Variants in CASP5 observed in about 807,000 individuals in gnomAD.
CASP5 encodes caspase 5, also known as caspase-5.
A neutral mutation model predicts 45.2 loss-of-function variants in CASP5; 42 were observed. That is an observed-to-expected ratio of 0.93 (90% CI 0.73 to 1.20). CASP5 has a LOEUF of 1.20. Among genes scored for constraint, CASP5 ranks in the 50% most tolerant of loss-of-function variants. The pLI is 0.00. For synonymous variants in CASP5, 209 were observed against 186.2 expected (o/e 1.12, Z -1.00); for missense variants, 512 against 532.2 (o/e 0.96, Z 0.37).
At position 105,007,078 on chromosome 11, in the gene CASP5, C is replaced by A; in HGVS notation, c.433+5G>T. 1 of 1,608,842 alleles carries A rather than the reference C, an allele frequency of 6.2e-7. No homozygotes were observed. On this transcript the variant is annotated splice_donor_5th_base_variant and intron_variant, in intron 3 of 9. Coordinates refer to ENST00000260315, the MANE Select transcript of CASP5 (RefSeq NM_004347.5). ...ACATATTTATCGTGTTAGATGCAAC[C>A]TTACGTTTTACACTGGTGATCTTTT...
chr11:105,020,392 G>T (rs1591181511), intron 1 of CASP5, among the ~76,000 whole-genome samples: 1 of 151,250 alleles, frequency 6.6e-6, no homozygotes, highest in Non-Finnish European at 1.5e-5. Flanking sequence ...CGACATGATT[G>T]TATATCTAGA....
At chr11:105,002,940 G>A (rs1241306044) in intron 4 of CASP5, among the ~76,000 whole-genome samples, 3 of 152,116 alleles carry the variant, frequency 2.0e-5, no homozygotes, top group Non-Finnish European at 4.4e-5. Flanking sequence ...GTTCCCGCCT[G>A]TAATCCCAGT....
intron 4 of CASP5, 68 bp downstream of exon 4, chr11:105,003,206 T>G: frequency 1.0e-6 from 1 of 980,588 alleles, no homozygotes; most frequent in Non-Finnish European, 1.6e-6. Context: ...TTTTTAAAAA[T>G]GTGCATTGCA....
At chr11:105,009,720 C>T (rs11226576) in intron 1 of CASP5, among the ~76,000 whole-genome samples, 1,687 of 63,926 alleles carry the variant, frequency 0.026, 53 homozygotes, top group African/African-American at 0.056. Context: ...TATATACACA[C>T]ATATATATAT....
intron 3 of CASP5, among the ~76,000 whole-genome samples, chr11:105,005,354 ATATGTG>A (rs780445124): frequency 9.2e-4 from 105 of 114,008 alleles, no homozygotes; most frequent in African/African-American, 4.6e-3. Flanking sequence ...GTGTATATAT[ATATGTG>A]TGTGTGTGTG....
intron 5 of CASP5, among the ~76,000 whole-genome samples, chr11:105,001,301 C>A (rs534800183): frequency 6.6e-6 from 1 of 152,320 alleles, no homozygotes; most frequent in South Asian, 2.1e-4. Flanking sequence ...CTTCTGGTAT[C>A]ATTTACAGAC....
chr11:105,008,081 AT>A (rs1862096923), intron 2 of CASP5, among the ~76,000 whole-genome samples: 1 of 152,048 alleles, frequency 6.6e-6, no homozygotes, highest in Non-Finnish European at 1.5e-5. Flanking sequence ...AAAGTGATAA[AT>A]TTTTTTGCCT....
chr11:105,000,468 C>A lies in CASP5; in HGVS notation c.745G>T (p.Ala249Ser). The A allele has an allele frequency of 6.2e-7, 1 of 1,614,162 alleles. No homozygotes were observed. The highest frequency in any genetic ancestry group is 1.1e-5 in the South Asian group (1 of 91,084). ...RDMESVLRAF[A>S]ARPEHKSSDS... is the part of the protein sequence containing the mutation. ...GAGGACTTGTGCTCTGGTCTGGCAG[C>A]AAATGCCCTCAGCACTGACTCCATA... The change falls in exon 6 of 10, where the codon GCT becomes TCT. Residue 249 changes from alanine (A) to serine (S), a missense_variant. Coordinates refer to ENST00000260315, the MANE Select transcript of CASP5 (RefSeq NM_004347.5).
intron 3 of CASP5, among the ~76,000 whole-genome samples, chr11:105,004,534 T>C (rs3181175): frequency 0.28 from 41,982 of 152,066 alleles, 7,918 homozygotes; most frequent in African/African-American, 0.54. Flanking sequence ...AATGGACAAG[T>C]ATACTTTTAT....
At chr11:105,018,271 A>T (rs1862743096) in intron 1 of CASP5, among the ~76,000 whole-genome samples, 1 of 151,344 alleles carries the variant, frequency 6.6e-6, no homozygotes, top group South Asian at 2.1e-4. Context: ...TAACCAGCTA[A>T]CATCATAATG....
At chr11:105,007,359 T>A in intron 2 of CASP5, 25 bp from the exon 3 acceptor site, 1 of 1,582,318 alleles carries the variant, frequency 6.3e-7, no homozygotes, top group South Asian at 1.2e-5. Context: ...AAGACTCCTT[T>A]AACTATGGGC....
chr11:105,001,948 G>A, intron 5 of CASP5, 80 bp downstream of exon 5: 4 of 1,443,012 alleles, frequency 2.8e-6, no homozygotes, highest in Non-Finnish European at 3.8e-6. Context: ...AAACCTTGTT[G>A]AACTTCTATA....
At chr11:104,998,058 GAGT>G (rs1179602047) in intron 7 of CASP5, among the ~76,000 whole-genome samples, 1 of 152,122 alleles carries the variant, frequency 6.6e-6, no homozygotes, top group East Asian at 1.9e-4. Context: ...AATTTGCAGA[GAGT>G]AGATCTTATG....
intron 7 of CASP5, among the ~76,000 whole-genome samples, chr11:104,998,264 G>A (rs1861555141): frequency 6.6e-6 from 1 of 152,084 alleles, no homozygotes; most frequent in Non-Finnish European, 1.5e-5. Flanking sequence ...CCTCCATAAA[G>A]TGGTTTAAAA....
At chr11:104,995,319 C>T (rs537093) in intron 9 of CASP5, 61,413 of 153,678 alleles carry the variant, frequency 0.4, 13,246 homozygotes, top group East Asian at 0.75. Context: ...CTGCTTTCCC[C>T]ATAGATAGCT....
chr11:105,015,273 A>C (rs1480579557), intron 1 of CASP5, among the ~76,000 whole-genome samples: 2 of 152,250 alleles, frequency 1.3e-5, no homozygotes, highest in Non-Finnish European at 2.9e-5. Flanking sequence ...TGGCAATAAT[A>C]GCACAAACTT....
At chr11:105,009,758 T>TATATATATATATATATACAC (rs1555079440) in intron 1 of CASP5, among the ~76,000 whole-genome samples, 7 of 90,276 alleles carry the variant, frequency 7.8e-5, no homozygotes, top group East Asian at 6.2e-4. Flanking sequence ...TATATATATA[T>TATATATATATATATATACAC]ACACACACAC....
chr11:105,022,176 G>A lies in CASP5; in HGVS notation c.7+954C>T. On this transcript the variant is annotated intron_variant, in intron 1 of 9. Transcript: ENST00000260315. ...AGCCTGTTGTGGGGTGGGGGGAGGGGGGAGGGATAGCATTGGGAGGTATAC... is the reference window on the plus strand; with the variant it reads ...AGCCTGTTGTGGGGTGGGGGGAGGGAGGAGGGATAGCATTGGGAGGTATAC... 1.8e-5 allele frequency among the ~76,000 whole-genome samples: 2 copies of A among 110,066 alleles called. 1 individual carries two copies. Among genetic ancestry groups the A allele is most frequent in the Non-Finnish European group, 3.5e-5 (2 of 56,726 alleles). 72.2% of individuals were successfully genotyped at this position (110,066 alleles called of 152,430 possible).
rs943698285 is a variant in CASP5 at position 105,017,771 on chromosome 11, G to T, written c.7+5359C>A. ...AGGAGAACTTCCCCAATATAGCAAGGCAGGCCAACATTCAGATTCAGGAAA... is the reference window on the plus strand; with the variant it reads ...AGGAGAACTTCCCCAATATAGCAAGTCAGGCCAACATTCAGATTCAGGAAA... On this transcript the variant is annotated intron_variant, in intron 1 of 9. Coordinates refer to ENST00000260315, the MANE Select transcript of CASP5 (RefSeq NM_004347.5). 6.6e-5 allele frequency among the ~76,000 whole-genome samples: 10 copies of T among 152,114 alleles called. 1 individual carries two copies. The highest frequency in any genetic ancestry group is 1.3e-4 in the Non-Finnish European group (9 of 67,986).
Sources: allele counts gnomAD v4.1 joint callset (sites outside exome capture counted in the v4.1 genomes callset), GRCh38; gene constraint gnomAD v4.1.1; transcripts MANE v1.5; gene names NCBI Gene and HGNC (gene_info 2026-07-23, HGNC 2026-07-21).